Variants in MAGI2 observed in about 807,000 individuals in gnomAD.
MAGI2 encodes membrane associated guanylate kinase, WW and PDZ domain containing 2.
A neutral mutation model predicts 133.3 loss-of-function variants in MAGI2; 35 were observed. That is an observed-to-expected ratio of 0.26 (90% CI 0.20 to 0.35). MAGI2 has a LOEUF of 0.35. Ranked by LOEUF, MAGI2 falls within the 10% of genes least tolerant of loss-of-function variation. The probability of loss-of-function intolerance (pLI) is 1.00; values close to 1 mark genes in which losing one functional copy is unlikely to be tolerated. For missense variants in MAGI2, 1,636 were observed against 1,863.4 expected (o/e 0.88, Z 2.25); for synonymous variants, 729 against 710.6 (o/e 1.03, Z -0.41).
At chr7:78,697,037 T>C (rs1000516453) in intron 2 of MAGI2, among the ~76,000 whole-genome samples, 1 of 152,222 alleles carries the variant, frequency 6.6e-6, no homozygotes, top group Non-Finnish European at 1.5e-5. Flanking sequence ...ATGTGGATCA[T>C]GTATTTTTAA....
intron 10 of MAGI2, among the ~76,000 whole-genome samples, chr7:78,249,738 C>G (rs1792187188): frequency 6.6e-6 from 1 of 151,958 alleles, no homozygotes; most frequent in Non-Finnish European, 1.5e-5. Context: ...GGAAATTGTA[C>G]AAAGGATACG....
intron 2 of MAGI2, among the ~76,000 whole-genome samples, chr7:78,728,545 T>TATATCTGAAAAAATGATTCATC (rs1483845832): frequency 5.4e-4 from 2 of 3,674 alleles, no homozygotes; most frequent in Non-Finnish European, 6.0e-4. Context: ...CTGATCTTTT[T>TATATCTGAAAAAATGATTCATC]TTTTTTTTTT....
At position 79,057,716 on chromosome 7, in the gene MAGI2, G is replaced by A. The variant is rs927475429; in HGVS notation, c.302-50510C>T. Among the ~76,000 whole-genome samples the A allele has an allele frequency of 1.1e-4, 16 of 152,126 alleles. No individual in the cohort carries two copies. In the South Asian group the frequency reaches 2.3e-3, roughly 22 times the overall value. ...GCTTAGTACCTCCTCTTTATGTTCC[G>A]AGAACCGATTCACATCTTTCTACCT... On this transcript the variant is annotated intron_variant, in intron 1 of 21. Transcript: ENST00000354212.
At chr7:78,862,481 G>T (rs2151503656) in intron 2 of MAGI2, among the ~76,000 whole-genome samples, 1 of 152,294 alleles carries the variant, frequency 6.6e-6, no homozygotes, top group Admixed American at 6.5e-5. Context: ...AAATTATGGA[G>T]TTTGTCCAGG....
intron 5 of MAGI2, 107 bp downstream of exon 5, chr7:78,501,470 T>G: frequency 1.0e-6 from 1 of 997,908 alleles, no homozygotes; most frequent in Non-Finnish European, 1.5e-6. Context: ...GTTACCAGAA[T>G]TTCATGTTTT....
At chr7:78,069,535 GA>G (rs1814241045) in intron 21 of MAGI2, among the ~76,000 whole-genome samples, 2 of 107,524 alleles carry the variant, frequency 1.9e-5, no homozygotes, top group East Asian at 6.9e-4. Context: ...GAAAGAAAGA[GA>G]GAGGAGAGAG....
At chr7:78,035,504 T>G (rs1012443334) in intron 21 of MAGI2, among the ~76,000 whole-genome samples, 2 of 152,204 alleles carry the variant, frequency 1.3e-5, no homozygotes, top group Admixed American at 1.3e-4. Flanking sequence ...TCCTTTAACC[T>G]CTTCCTTTCC....
intron 1 of MAGI2, among the ~76,000 whole-genome samples, chr7:79,204,381 C>A (rs1222153034): frequency 6.6e-6 from 1 of 152,048 alleles, no homozygotes; most frequent in Non-Finnish European, 1.5e-5. Context: ...CTGGCCTGCG[C>A]TAGTGGTGCA....
At position 79,186,217 on chromosome 7, in the gene MAGI2, TATATATATATATATATATATA is replaced by T. The variant is rs1201965563; in HGVS notation, c.302-179032_302-179012del. Among the ~76,000 whole-genome samples, 38 of 26,434 alleles carry T rather than the reference TATATATATATATATATATATA, an allele frequency of 1.4e-3. 1 individual carries two copies. Among genetic ancestry groups the T allele is most frequent in the African/African-American group, 1.8e-3 (36 of 19,960 alleles). 17.3% of individuals were successfully genotyped at this position (26,434 alleles called of 152,430 possible). On this transcript the variant is annotated intron_variant, in intron 1 of 21. Transcript: ENST00000354212. ...ATATATATATATATATATATATATATATATATATATATATATATATATATATTTATATTTATTTATTTATAA... is the reference window on the plus strand; with the variant it reads ...ATATATATATATATATATATATATATTATATTTATATTTATTTATTTATAA...
At chr7:78,625,852 G>A (rs1355672656) in intron 3 of MAGI2, among the ~76,000 whole-genome samples, 1 of 152,194 alleles carries the variant, frequency 6.6e-6, no homozygotes, top group Non-Finnish European at 1.5e-5. Flanking sequence ...ATGCCATACA[G>A]GTTTGTAGCC....
At chr7:79,128,533 T>C (rs1395958507) in intron 1 of MAGI2, among the ~76,000 whole-genome samples, 1 of 152,172 alleles carries the variant, frequency 6.6e-6, no homozygotes, top group Non-Finnish European at 1.5e-5. Flanking sequence ...CATCCTTATC[T>C]AATATGAATT....
intron 3 of MAGI2, among the ~76,000 whole-genome samples, chr7:78,573,948 G>C (rs1255726386): frequency 6.6e-6 from 1 of 152,140 alleles, no homozygotes; most frequent in Non-Finnish European, 1.5e-5. Flanking sequence ...TTTTCAGCCT[G>C]ACATCAAGCC....
At chr7:78,341,134 T>C (rs1425411467) in intron 9 of MAGI2, among the ~76,000 whole-genome samples, 1 of 152,170 alleles carries the variant, frequency 6.6e-6, no homozygotes, top group African/African-American at 2.4e-5. Flanking sequence ...AAAATCAATG[T>C]GCAAAAATCA....
At chr7:78,854,068 A>G (rs575918004) in intron 2 of MAGI2, among the ~76,000 whole-genome samples, 1 of 152,080 alleles carries the variant, frequency 6.6e-6, no homozygotes, top group Non-Finnish European at 1.5e-5. Flanking sequence ...CTTTCTGGGG[A>G]TCAACTGTCA....
chr7:79,138,082 C>T (rs1821759305), intron 1 of MAGI2, among the ~76,000 whole-genome samples: 1 of 152,142 alleles, frequency 6.6e-6, no homozygotes, highest in African/African-American at 2.4e-5. Context: ...TGGATTCTTC[C>T]CTAGAGTCTC....
intron 21 of MAGI2, among the ~76,000 whole-genome samples, chr7:78,030,718 T>C (rs1809482186): frequency 6.6e-6 from 1 of 152,156 alleles, no homozygotes; most frequent in Non-Finnish European, 1.5e-5. Flanking sequence ...TAAACAACAG[T>C]GACACAACTG....
At chr7:79,451,977 C>T (rs1462284797) in intron 1 of MAGI2, among the ~76,000 whole-genome samples, 3 of 152,240 alleles carry the variant, frequency 2.0e-5, no homozygotes, top group Admixed American at 2.0e-4. Context: ...CCATAATTTT[C>T]TTTCGAGCAA....
chr7:79,387,012 C>CACAT (rs3050631), intron 1 of MAGI2, among the ~76,000 whole-genome samples: 3 of 151,192 alleles, frequency 2.0e-5, no homozygotes, highest in Non-Finnish European at 2.9e-5. Flanking sequence ...CACACACACA[C>CACAT]GTTATATATA....
chr7:79,090,994 C>T (rs1584906860), intron 1 of MAGI2, among the ~76,000 whole-genome samples: 1 of 150,348 alleles, frequency 6.7e-6, no homozygotes, highest in African/African-American at 2.4e-5. Flanking sequence ...ATTTAAGAGC[C>T]TTTTTTTTTC....
Sources: allele counts gnomAD v4.1 joint callset (sites outside exome capture counted in the v4.1 genomes callset), GRCh38; gene constraint gnomAD v4.1.1; transcripts MANE v1.5; gene names NCBI Gene and HGNC (gene_info 2026-07-23, HGNC 2026-07-21).